The following CREM variants were observed in gnomAD, a reference collection of about 807,000 sequenced individuals.
The protein encoded by CREM is cAMP responsive element modulator.
CREM carries 13 observed loss-of-function variants against 37.3 expected under a neutral mutation model. That is an observed-to-expected ratio of 0.35 (90% CI 0.23 to 0.55). CREM has a LOEUF of 0.55. Among genes scored for constraint, CREM ranks in the 20% least tolerant of loss-of-function variants. CREM has a pLI of 0.88. For missense variants in CREM, 296 were observed against 362.3 expected, an observed-to-expected ratio of 0.82 and a Z score of 1.49; for synonymous variants, 124 against 120.2, an observed-to-expected ratio of 1.03 and a Z score of -0.21.
intron 3 of CREM, chr10:35,158,477 G>A (rs749112060): frequency 4.3e-5 from 10 of 230,728 alleles, no homozygotes; most frequent in Non-Finnish European, 8.8e-5. Flanking sequence ...AGTTCAAGGC[G>A]AACGAAGCTG....
At chr10:35,192,351 C>T (rs534978878) in intron 6 of CREM, among the ~76,000 whole-genome samples, 70 of 152,112 alleles carry the variant, frequency 4.6e-4, no homozygotes, top group African/African-American at 1.6e-3. Context: ...TGTTTTGTTT[C>T]GTTTTGTTTT....
chr10:35,149,001 G>A (rs1041913107), intron 3 of CREM, among the ~76,000 whole-genome samples: 1 of 152,170 alleles, frequency 6.6e-6, no homozygotes, highest in African/African-American at 2.4e-5. Flanking sequence ...ACATTTGTTA[G>A]TTCATCAAAT....
At chr10:35,209,617 C>T (rs934489262) in intron 7 of CREM, among the ~76,000 whole-genome samples, 8 of 152,108 alleles carry the variant, frequency 5.3e-5, no homozygotes, top group Non-Finnish European at 8.8e-5. Flanking sequence ...CCCGCAACAC[C>T]GCTATTAGGT....
intron 3 of CREM, chr10:35,153,923 A>G (rs543740594): frequency 2.6e-6 from 1 of 390,674 alleles, no homozygotes; most frequent in African/African-American, 2.1e-5. Flanking sequence ...GAAAGCCGCT[A>G]GGGAATGTTG....
intron 3 of CREM, among the ~76,000 whole-genome samples, chr10:35,157,637 A>C (rs1225273232): frequency 5.9e-5 from 4 of 67,266 alleles, no homozygotes. Context: ...CCCTGTCTCA[A>C]AAAAAAAAAA....
Position 35,206,950 on chromosome 10 carries a change from A to G in CREM, c.654A>G (p.Pro218=). The G allele has an allele frequency of 1.2e-6, 2 of 1,614,038 alleles. No individual in the cohort carries two copies. ...YQIRAPTAAL[P]QGVVMAASPG... is the part of the protein sequence containing the mutation. ...TCCGAGCTCCTACTGCTGCTTTGCC[A>G]CAGGGAGTGGTGATGGCTGCATCGC... is the stretch of plus-strand genomic sequence containing the variant. Residue 218 remains proline, a synonymous_variant, in exon 7 of 8, where the codon CCA becomes CCG. Coordinates refer to ENST00000685392, the MANE Select transcript of CREM (RefSeq NM_183011.2).
chr10:35,153,067 TAAA>T (rs138542907), intron 3 of CREM, among the ~76,000 whole-genome samples: 22,859 of 151,988 alleles, frequency 0.15, 1,927 homozygotes, highest in East Asian at 0.24. Context: ...GTCTCTTTAA[TAAA>T]AAATAAATTA....
At chr10:35,132,468 G>A (rs891589275) in intron 1 of CREM, among the ~76,000 whole-genome samples, 1 of 152,128 alleles carries the variant, frequency 6.6e-6, no homozygotes, top group African/African-American at 2.4e-5. Context: ...ATAATAACAG[G>A]TGTCTCAGGC....
rs372536835 is a variant in CREM, at chr10:35,148,390, G to A, written c.67G>A (p.Glu23Lys). The A allele has an allele frequency of 9.9e-6, 16 of 1,612,304 alleles. No homozygotes were observed. Among genetic ancestry groups the A allele is most frequent in the African/African-American group, 1.3e-5 (1 of 74,820 alleles). ...CAGACAAATGACCATGGAAACAGTTGAATCCCAGCATGATGGAAGTATAAC... is the reference window on the plus strand; with the variant it reads ...CAGACAAATGACCATGGAAACAGTTAAATCCCAGCATGATGGAAGTATAAC... ...NPRQMTMETV[E>K]SQHDGSITAS... Residue 23 changes from glutamate to lysine, a missense_variant, in exon 3 of 8, where the codon GAA becomes AAA. Around this residue, in one of 2 missense-constraint regions of CREM, gnomAD observed 257 missense variants for 280.2 expected, o/e 0.92. Transcript: ENST00000685392.
intron 5 of CREM, among the ~76,000 whole-genome samples, chr10:35,180,631 A>G (rs2094313174): frequency 6.6e-6 from 1 of 152,238 alleles, no homozygotes; most frequent in Non-Finnish European, 1.5e-5. Flanking sequence ...CACCATCTGT[A>G]AGAAATAGAC....
chr10:35,174,086 A>G (rs988252247), intron 3 of CREM, among the ~76,000 whole-genome samples: 1 of 152,208 alleles, frequency 6.6e-6, no homozygotes, highest in Non-Finnish European at 1.5e-5. Context: ...AATCTAAACT[A>G]GATGATAATA....
intron 3 of CREM, among the ~76,000 whole-genome samples, chr10:35,148,838 C>T (rs1032987329): frequency 2.0e-5 from 3 of 152,044 alleles, no homozygotes; most frequent in Non-Finnish European, 2.9e-5. Context: ...CCATTTTCCC[C>T]GTATATATTT....
At chr10:35,144,426 A>G (rs2091831014) in intron 2 of CREM, among the ~76,000 whole-genome samples, 1 of 152,218 alleles carries the variant, frequency 6.6e-6, no homozygotes, top group Admixed American at 6.5e-5. Context: ...TCAGGTGTCC[A>G]TGAAAACCCC....
intron 5 of CREM, among the ~76,000 whole-genome samples, chr10:35,187,164 T>A (rs1464464082): frequency 2.6e-4 from 11 of 42,790 alleles, no homozygotes; most frequent in East Asian, 5.2e-4. Context: ...TAATATATAT[T>A]ATATATTAAT....
intron 3 of CREM, chr10:35,175,887 C>T: frequency 1.3e-6 from 2 of 1,559,724 alleles, no homozygotes; most frequent in South Asian, 1.2e-5. Context: ...AGAAGAGGCT[C>T]CCCAGCTGTA....
intron 6 of CREM, among the ~76,000 whole-genome samples, chr10:35,200,903 G>A (rs2095363744): frequency 6.6e-6 from 1 of 152,126 alleles, no homozygotes; most frequent in South Asian, 2.1e-4. Flanking sequence ...CATCATTTGG[G>A]GTGTTGAGAA....
At position 35,211,708 on chromosome 10, in the gene CREM, G is replaced by A; in HGVS notation, c.*310G>A. On this transcript the variant is annotated 3_prime_UTR_variant, in exon 8 of 8. Coordinates refer to ENST00000685392, the MANE Select transcript of CREM (RefSeq NM_183011.2). ...AAAGAAAGAATATGTAAAATGTCTG[G>A]AGAGCCGAGTTGCAGTGCTGGAAGT... The A allele has an allele frequency of 1.2e-6, 2 of 1,614,050 alleles. No individual in the cohort carries two copies. The highest frequency in any genetic ancestry group is 1.7e-6 in the Non-Finnish European group (2 of 1,179,996).
rs754455183 is a variant in CREM at position 35,130,196 on chromosome 10, C to CAAA, written c.-55+3024_-55+3026dup. Among the ~76,000 whole-genome samples the CAAA allele has an allele frequency of 2.4e-3, 162 of 67,178 alleles. 2 individuals are homozygous for CAAA. The highest frequency in any genetic ancestry group is 8.3e-3 in the African/African-American group (150 of 18,000). 44.1% of individuals were successfully genotyped at this position (67,178 alleles called of 152,430 possible). A position where few individuals can be genotyped will look rare whatever the true frequency, so the allele number is the denominator to read the frequency against. On this transcript the variant is annotated intron_variant, in intron 1 of 7. Transcript: ENST00000685392. ...GGGCAACAAGAGCCAAACTCAGTCT[C>CAAA]AAAAAAAAAAAAAAAAAAAAAAATT...
At chr10:35,208,495 GAGTTTCCCAGTAGTCTTGTCACCTT>G (rs1421965607) in intron 7 of CREM, among the ~76,000 whole-genome samples, 1 of 152,144 alleles carries the variant, frequency 6.6e-6, no homozygotes, top group Non-Finnish European at 1.5e-5. Flanking sequence ...AATTGTCTTA[GAGTTTCCCAGTAGTCTTGTCACCTT>G]AGTCCTAATG....
Sources: gnomAD v4.1 joint callset for allele counts (sites outside exome capture counted in the v4.1 genomes callset) on GRCh38, gnomAD v4.1.1 for gene constraint, gnomAD v4.1.1 regional missense constraint, MANE v1.5 for transcripts, NCBI Gene and HGNC (gene_info 2026-07-23, HGNC 2026-07-21) for gene names.